Variants in COL24A1 observed in about 807,000 individuals in gnomAD.
The protein encoded by COL24A1 is collagen alpha-1(XXIV) chain.
In COL24A1, 224 loss-of-function variants were observed where a neutral mutation model predicts 253.9. That is an observed-to-expected ratio of 0.88 (90% CI 0.79 to 0.99). The LOEUF (loss-of-function observed/expected upper bound fraction) is 0.99, where lower values mean the gene tolerates loss of function less well. Ranked by LOEUF, COL24A1 falls within the 50% of genes least tolerant of loss-of-function variation. The probability of loss-of-function intolerance (pLI) is 0.00; values close to 1 mark genes in which losing one functional copy is unlikely to be tolerated. For missense variants in COL24A1, 2,131 were observed against 2,068.5 expected (o/e 1.03, Z -0.59); for synonymous variants, 685 against 673.7 (o/e 1.02, Z -0.26).
chr1:85,985,514 G>A (rs1693650502), intron 20 of COL24A1, among the ~76,000 whole-genome samples: 1 of 151,848 alleles, frequency 6.6e-6, no homozygotes, highest in Admixed American at 6.6e-5. Context: ...GTGACATGAT[G>A]AGATCTATAC....
At chr1:85,875,405 A>G (rs563069975) in intron 33 of COL24A1, 75 bp from the exon 34 acceptor site, 26 of 1,152,158 alleles carry the variant, frequency 2.3e-5, no homozygotes, top group Middle Eastern at 2.0e-4. Context: ...ACTGAACTCA[A>G]GGGTGAGATA....
intron 10 of COL24A1, among the ~76,000 whole-genome samples, chr1:86,056,319 A>G (rs954397958): frequency 3.9e-5 from 6 of 152,150 alleles, no homozygotes; most frequent in African/African-American, 1.4e-4. Context: ...TAAAGGTGAA[A>G]AGACATTGGT....
intron 43 of COL24A1, among the ~76,000 whole-genome samples, chr1:85,825,579 G>A (rs1179570042): frequency 4.6e-5 from 7 of 151,158 alleles, no homozygotes; most frequent in Admixed American, 4.6e-4. Flanking sequence ...ATCCTCTCCA[G>A]CACCTGTTGT....
chr1:85,987,271 A>G (rs186445750), intron 20 of COL24A1, among the ~76,000 whole-genome samples: 2 of 151,886 alleles, frequency 1.3e-5, no homozygotes, highest in Non-Finnish European at 3.0e-5. Context: ...TGTCCCCAAA[A>G]GATTTTTTTA....
chr1:85,855,443 G>T (rs1310781838), intron 37 of COL24A1, among the ~76,000 whole-genome samples: 4 of 152,068 alleles, frequency 2.6e-5, no homozygotes, highest in Admixed American at 2.6e-4. Flanking sequence ...TTTATTGAAA[G>T]CTTTTTCTGT....
intron 53 of COL24A1, among the ~76,000 whole-genome samples, chr1:85,766,383 AAAAAAAAG>A (rs1374813372): frequency 1.9e-4 from 27 of 144,114 alleles, no homozygotes; most frequent in African/African-American, 5.6e-4. Context: ...AAAAAAAAAA[AAAAAAAAG>A]AAAGAAAGAA....
chr1:85,777,905 G>A (rs1461126053), intron 52 of COL24A1, among the ~76,000 whole-genome samples: 3 of 151,852 alleles, frequency 2.0e-5, no homozygotes, highest in African/African-American at 7.3e-5. Flanking sequence ...TTGAACTTTT[G>A]GATTTGTTCT....
Position 85,733,582 on chromosome 1 carries a change from A to ATT in COL24A1, c.4998+1165_4998+1166dup, listed in dbSNP as rs200237796. Among the ~76,000 whole-genome samples, 13 of 145,018 alleles carry ATT rather than the reference A, an allele frequency of 9.0e-5. No individual in the cohort carries two copies. In the East Asian group the frequency reaches 1.2e-3, roughly 13 times the overall value. The stretch of plus-strand genomic sequence containing the variant: ...GATTTTTCATAGTAACTGTCATTTA[A>ATT]TTTTTTTTTTTTTTTGAGATAGAGT... On this transcript the variant is annotated intron_variant, in intron 59 of 59. Coordinates refer to ENST00000370571, the MANE Select transcript of COL24A1 (RefSeq NM_152890.7).
intron 43 of COL24A1, among the ~76,000 whole-genome samples, chr1:85,838,023 T>TC (rs1030337688): frequency 6.6e-6 from 1 of 152,070 alleles, no homozygotes; most frequent in African/African-American, 2.4e-5. Flanking sequence ...TCAGATAATG[T>TC]CCCTCTCAGG....
chr1:86,001,095 C>G (rs137921495), intron 19 of COL24A1, among the ~76,000 whole-genome samples: 2 of 151,930 alleles, frequency 1.3e-5, no homozygotes, highest in East Asian at 3.9e-4. Flanking sequence ...TGGAACACCT[C>G]TAATATTTAC....
chr1:85,855,293 T>C (rs539996213), intron 37 of COL24A1, among the ~76,000 whole-genome samples: 90 of 151,328 alleles, frequency 5.9e-4, no homozygotes, highest in African/African-American at 2.0e-3. Flanking sequence ...GAGAGTTCCA[T>C]CTCTCAAGGG....
At chr1:85,788,509 T>C (rs2101638793) in intron 47 of COL24A1, among the ~76,000 whole-genome samples, 1 of 152,332 alleles carries the variant, frequency 6.6e-6, no homozygotes, top group African/African-American at 2.4e-5. Context: ...TCCCATTCTG[T>C]GGGTTGTCTG....
chr1:86,143,668 A>G (rs1651468904), intron 2 of COL24A1, among the ~76,000 whole-genome samples: 1 of 152,146 alleles, frequency 6.6e-6, no homozygotes, highest in Admixed American at 6.5e-5. Context: ...TATAGATGTT[A>G]AAACCAAAAG....
At chr1:85,806,302 A>G (rs545888823) in intron 47 of COL24A1, among the ~76,000 whole-genome samples, 2 of 152,332 alleles carry the variant, frequency 1.3e-5, no homozygotes, top group Admixed American at 6.5e-5. Context: ...TAAGAAAAGA[A>G]TTTAAATAAG....
intron 1 of COL24A1, among the ~76,000 whole-genome samples, chr1:86,148,640 A>T (rs1652273806): frequency 6.6e-6 from 1 of 151,860 alleles, no homozygotes. Flanking sequence ...GAGAATGATG[A>T]TTTCCAATTT....
rs145705149 is a variant in COL24A1, at chr1:85,797,821, C to T, written c.3952-11360G>A. ...CTGTGATTATGACTGAAATGCACAG[C>T]ACACATCAGAAGCAAGGTAGAATAT... is the stretch of plus-strand genomic sequence containing the variant. On this transcript the variant is annotated intron_variant, in intron 47 of 59. Coordinates refer to ENST00000370571, the MANE Select transcript of COL24A1 (RefSeq NM_152890.7). Among the ~76,000 whole-genome samples, 33 of 152,224 alleles carry T rather than the reference C, an allele frequency of 2.2e-4. No individual in the cohort carries two copies. The East Asian group carries it at 6.2e-3, about 29-fold the overall frequency.
chr1:85,805,079 G>A (rs540350624), intron 47 of COL24A1, among the ~76,000 whole-genome samples: 3 of 152,244 alleles, frequency 2.0e-5, no homozygotes, highest in African/African-American at 7.2e-5. Context: ...GGCCTCAAGA[G>A]GTCCTCTTGC....
At chr1:86,102,263 A>G (rs187770866) in intron 5 of COL24A1, among the ~76,000 whole-genome samples, 1 of 152,028 alleles carries the variant, frequency 6.6e-6, no homozygotes, top group East Asian at 1.9e-4. Flanking sequence ...TTGTGTTTAT[A>G]TGAATCTTTT....
At position 85,877,062 on chromosome 1, in the gene COL24A1, C is replaced by A. The variant is rs943667403; in HGVS notation, c.3030+60G>T. 6 of 1,184,184 alleles carry A rather than the reference C, an allele frequency of 5.1e-6. No homozygotes were observed. In the Admixed American group the frequency reaches 9.9e-5, roughly 20 times the overall value. 73.4% of individuals were successfully genotyped at this position (1,184,184 alleles called of 1,614,324 possible). On this transcript the variant is annotated intron_variant, in intron 33 of 59. Transcript: ENST00000370571. ...AGTATATATTTAATTATTAATTTTA[C>A]CTTAGAGTCTTACAAAAAGTAGAAT...
Sources: allele counts gnomAD v4.1 joint callset (sites outside exome capture counted in the v4.1 genomes callset), GRCh38; gene constraint gnomAD v4.1.1; transcripts MANE v1.5; gene names NCBI Gene and HGNC (gene_info 2026-07-23, HGNC 2026-07-21).